NME8: variants seen among roughly 807,000 people sequenced by gnomAD.
The protein encoded by NME8 is NME/NM23 family member 8.
A neutral mutation model predicts 82.3 loss-of-function variants in NME8; 72 were observed. The ratio of observed to expected loss-of-function variants is 0.87; its 90% CI spans 0.72 to 1.06. The LOEUF is 1.06. Among genes scored for constraint, NME8 ranks in the 50% least tolerant of loss-of-function variants. The pLI is 0.00. For missense variants in NME8, 712 were observed against 685.4 expected, an observed-to-expected ratio of 1.04 and a Z score of -0.43; for synonymous variants, 267 against 228.5, an observed-to-expected ratio of 1.17 and a Z score of -1.52.
At chr7:37,876,229 T>TATAGATAGATAGATAGATAG (rs56873287) in intron 11 of NME8, among the ~76,000 whole-genome samples, 1 of 146,128 alleles carries the variant, frequency 6.8e-6, no homozygotes, top group African/African-American at 2.5e-5. Flanking sequence ...TATATATATA[T>TATAGATAGATAGATAGATAG]ATAGATAGAT....
chr7:37,896,933 G>A lies in NME8; in HGVS notation c.1608G>A (p.Met536Ile). Residue 536 changes from methionine to isoleucine, a missense_variant, in exon 17 of 18, where the codon ATG (methionine) becomes ATA (isoleucine). Coordinates refer to ENST00000199447, the MANE Select transcript of NME8 (RefSeq NM_016616.5). ...CTGTTGCAGAATGGAGACGATTGAT[G>A]GGCCCAACAGACCCAGAAGAAGCAA... ...WNAVAEWRRL[M>I]GPTDPEEAKL... 1.2e-6 allele frequency: 2 copies of A among 1,613,808 alleles called. No individual in the cohort carries two copies. The highest frequency in any genetic ancestry group is 3.3e-5 in the Admixed American group (2 of 59,976).
At chr7:37,867,962 A>T in intron 11 of NME8, 64 bp downstream of exon 11, 3 of 1,384,252 alleles carry the variant, frequency 2.2e-6, no homozygotes, top group Non-Finnish European at 3.1e-6. Flanking sequence ...AGCGTAGTGT[A>T]GGCACCTCAG....
chr7:37,888,497 C>A, intron 15 of NME8, 69 bp downstream of exon 15: 1 of 1,478,576 alleles, frequency 6.8e-7, no homozygotes, highest in Non-Finnish European at 9.3e-7. Flanking sequence ...AAAAAATTTA[C>A]AATCAGAAAA....
chr7:37,877,092 G>A, intron 12 of NME8, 85 bp downstream of exon 12: 2 of 1,173,770 alleles, frequency 1.7e-6, no homozygotes, highest in South Asian at 2.7e-5. Context: ...TAAAGACATT[G>A]TTTTAAAATT....
chr7:37,850,196 T>C, intron 2 of NME8, 64 bp from the exon 3 acceptor site: 1 of 1,268,474 alleles, frequency 7.9e-7, no homozygotes, highest in East Asian at 2.3e-5. Flanking sequence ...GTTATTTGCA[T>C]GCATAAAGAA....
chr7:37,889,436 TAA>T (rs905928656), intron 15 of NME8, among the ~76,000 whole-genome samples: 8 of 151,736 alleles, frequency 5.3e-5, no homozygotes, highest in Non-Finnish European at 8.8e-5. Context: ...AGTTGAATAT[TAA>T]GTTTATTTAT....
chr7:37,896,703 A>G, intron 16 of NME8, 167 bp from the exon 17 acceptor site: 5 of 644,394 alleles, frequency 7.8e-6, no homozygotes, highest in Non-Finnish European at 1.4e-5. Context: ...ATATAAACCT[A>G]TTAGAAGAGG....
chr7:37,858,733 G>C (rs1293507987), intron 6 of NME8, among the ~76,000 whole-genome samples: 1 of 152,140 alleles, frequency 6.6e-6, no homozygotes, highest in Non-Finnish European at 1.5e-5. Flanking sequence ...ACATTGTAGA[G>C]GCTGGAGCTC....
intron 11 of NME8, among the ~76,000 whole-genome samples, chr7:37,869,419 A>T (rs953597763): frequency 1.8e-4 from 27 of 152,198 alleles, no homozygotes; most frequent in African/African-American, 6.5e-4. Context: ...CATTCAAAAA[A>T]CAAAAAGCGT....
chr7:37,894,980 C>T (rs7807170), intron 16 of NME8, among the ~76,000 whole-genome samples: 35,107 of 151,778 alleles, frequency 0.23, 4,039 homozygotes, highest in Non-Finnish European at 0.24. Context: ...ACCGCTGCTT[C>T]GCCAACATAC....
intron 5 of NME8, among the ~76,000 whole-genome samples, chr7:37,855,068 A>T (rs1369988723): frequency 6.6e-6 from 1 of 152,126 alleles, no homozygotes; most frequent in East Asian, 1.9e-4. Context: ...ACGTGTAATG[A>T]GCCTTCCAGG....
chr7:37,894,005 A>G lies in NME8; in HGVS notation c.1400-461A>G, dbSNP rs79905077. 1.1e-3 allele frequency among the ~76,000 whole-genome samples: 174 copies of G among 152,266 alleles called. 1 individual carries two copies. Among genetic ancestry groups the G allele is most frequent in the African/African-American group, 4.1e-3 (171 of 41,560 alleles). On this transcript the variant is annotated intron_variant, in intron 15 of 17. Transcript: ENST00000199447. ...TGGTTCACCTTTGTCTCTAGAATGT[A>G]GCCCTCAAAACTTAGGCTGTTGGTG...
At chr7:37,877,414 G>C (rs1784872226) in intron 12 of NME8, among the ~76,000 whole-genome samples, 1 of 152,038 alleles carries the variant, frequency 6.6e-6, no homozygotes, top group Non-Finnish European at 1.5e-5. Context: ...TAAAGTACCT[G>C]GCACATAAAG....
chr7:37,875,618 T>G (rs1008801219), intron 11 of NME8, among the ~76,000 whole-genome samples: 6 of 151,554 alleles, frequency 4.0e-5, no homozygotes, highest in Non-Finnish European at 8.8e-5. Flanking sequence ...TCATCTATAT[T>G]CTGTTTAGAA....
At chr7:37,886,671 A>G (rs1332391131) in intron 14 of NME8, among the ~76,000 whole-genome samples, 1 of 152,140 alleles carries the variant, frequency 6.6e-6, no homozygotes, top group Non-Finnish European at 1.5e-5. Context: ...TAACAGCATA[A>G]CAGGGGTTGG....
intron 6 of NME8, among the ~76,000 whole-genome samples, chr7:37,858,795 A>G (rs1382024487): frequency 2.0e-5 from 3 of 152,162 alleles, no homozygotes; most frequent in Admixed American, 1.3e-4. Flanking sequence ...AATCTCATGC[A>G]GAAATGTGAC....
intron 13 of NME8, 48 bp from the exon 14 acceptor site, chr7:37,885,097 A>G (rs1785020499): frequency 8.8e-7 from 1 of 1,133,028 alleles, no homozygotes; most frequent in South Asian, 1.3e-5. Context: ...ATAATTAGCT[A>G]CTGAGCTACA....
intron 5 of NME8, among the ~76,000 whole-genome samples, chr7:37,853,565 G>T (rs1177473675): frequency 1.3e-5 from 2 of 152,146 alleles, no homozygotes; most frequent in Non-Finnish European, 2.9e-5. Flanking sequence ...GTGAATCCTG[G>T]CAGTTGGCAT....
intron 17 of NME8, among the ~76,000 whole-genome samples, chr7:37,898,574 G>T (rs1358788986): frequency 1.3e-5 from 2 of 152,152 alleles, no homozygotes; most frequent in Non-Finnish European, 2.9e-5. Context: ...CTGCAACATG[G>T]ATGAATCTCA....
Sources: gnomAD v4.1 joint callset for allele counts (sites outside exome capture counted in the v4.1 genomes callset) on GRCh38, gnomAD v4.1.1 for gene constraint, MANE v1.5 for transcripts, NCBI Gene and HGNC (gene_info 2026-07-23, HGNC 2026-07-21) for gene names.